FTCDNL1: variants seen among roughly 807,000 people sequenced by gnomAD.
FTCDNL1 encodes formiminotransferase cyclodeaminase N-terminal like.
Under a neutral mutation model 5.9 loss-of-function variants are expected in FTCDNL1, and 11 were observed. The ratio of observed to expected loss-of-function variants is 1.87; its 90% CI spans 1.18 to 3.10. The LOEUF is 3.10. Among genes scored for constraint, FTCDNL1 ranks in the 30% most tolerant of loss-of-function variants. The pLI, the probability that FTCDNL1 is intolerant of heterozygous loss-of-function variation, is 0.00. For synonymous variants in FTCDNL1, 58 were observed against 24.8 expected (o/e 2.34, Z -3.99); for missense variants, 115 against 65.5 (o/e 1.76, Z -2.61).
chr2:199,823,988 A>C (rs962554431), intron 3 of FTCDNL1, among the ~76,000 whole-genome samples: 1 of 151,934 alleles, frequency 6.6e-6, no homozygotes, highest in African/African-American at 2.4e-5. Context: ...CTTTTCTTTA[A>C]ATTTTTTGTA....
At chr2:199,771,737 T>C (rs1698820703) in intron 3 of FTCDNL1, among the ~76,000 whole-genome samples, 1 of 152,260 alleles carries the variant, frequency 6.6e-6, no homozygotes, top group African/African-American at 2.4e-5. Flanking sequence ...AGCAATGTTA[T>C]GATTTTCTTG....
chr2:199,773,226 G>C (rs1032033077), intron 3 of FTCDNL1, among the ~76,000 whole-genome samples: 1 of 152,050 alleles, frequency 6.6e-6, no homozygotes, highest in African/African-American at 2.4e-5. Flanking sequence ...CAATGTGGAG[G>C]GTTTCACTAG....
At chr2:199,731,232 C>T in the FTCDNL1 span, among the ~76,000 whole-genome samples, 2 of 152,096 alleles carry the variant, frequency 1.3e-5, no homozygotes, top group African/African-American at 2.4e-5. Context: ...ATGGGACAAA[C>T]ACCTAACACA....
the FTCDNL1 span, among the ~76,000 whole-genome samples, chr2:199,671,154 A>T: frequency 2.6e-5 from 3 of 113,706 alleles, no homozygotes; most frequent in East Asian, 1.0e-3. Flanking sequence ...TAATATCTGT[A>T]TTAAATCCAT....
chr2:199,735,809 C>A, the FTCDNL1 span, among the ~76,000 whole-genome samples: 1 of 152,136 alleles, frequency 6.6e-6, no homozygotes, highest in South Asian at 2.1e-4. Context: ...CAGCATGACA[C>A]CAGGCAACAA....
At chr2:199,669,276 C>G in the FTCDNL1 span, among the ~76,000 whole-genome samples, 3 of 152,018 alleles carry the variant, frequency 2.0e-5, no homozygotes, top group East Asian at 1.9e-4. Flanking sequence ...TTAGATAGGT[C>G]TTCAGCTGAA....
the FTCDNL1 span, among the ~76,000 whole-genome samples, chr2:199,727,759 C>A: frequency 6.6e-6 from 1 of 151,888 alleles, no homozygotes; most frequent in Non-Finnish European, 1.5e-5. Context: ...CAGAATTTGG[C>A]CTCAATTAAA....
the FTCDNL1 span, among the ~76,000 whole-genome samples, chr2:199,750,226 A>C: frequency 3.3e-5 from 5 of 151,568 alleles, no homozygotes; most frequent in Non-Finnish European, 5.9e-5. Flanking sequence ...GCTTGGTGGT[A>C]TGTGCCTTGT....
the FTCDNL1 span, among the ~76,000 whole-genome samples, chr2:199,682,073 A>C: frequency 6.6e-6 from 1 of 152,188 alleles, no homozygotes; most frequent in African/African-American, 2.4e-5. Flanking sequence ...TTGCTGGGCC[A>C]CATTACCCAG....
chr2:199,827,452 T>C (rs1337230282), intron 3 of FTCDNL1, among the ~76,000 whole-genome samples: 1 of 152,142 alleles, frequency 6.6e-6, no homozygotes, highest in Non-Finnish European at 1.5e-5. Flanking sequence ...TTTGCCTGGA[T>C]TATACACTGG....
the FTCDNL1 span, among the ~76,000 whole-genome samples, chr2:199,721,910 T>A: frequency 6.6e-6 from 1 of 152,238 alleles, no homozygotes; most frequent in Non-Finnish European, 1.5e-5. Flanking sequence ...GTTCGTTGGC[T>A]GCATAGATGT....
the FTCDNL1 span, among the ~76,000 whole-genome samples, chr2:199,746,684 G>T: frequency 1.3e-5 from 2 of 151,588 alleles, no homozygotes; most frequent in African/African-American, 4.9e-5. Context: ...ACTAGCAAGA[G>T]GCCCTGAACC....
At chr2:199,846,968 C>T (rs2106634656) in intron 2 of FTCDNL1, among the ~76,000 whole-genome samples, 1 of 152,268 alleles carries the variant, frequency 6.6e-6, no homozygotes, top group African/African-American at 2.4e-5. Context: ...TCCTTGTCCC[C>T]TGGCAGCTTA....
chr2:199,705,549 A>G, the FTCDNL1 span, among the ~76,000 whole-genome samples: 3 of 152,178 alleles, frequency 2.0e-5, no homozygotes, highest in Non-Finnish European at 2.9e-5. Flanking sequence ...CTGTAAATAA[A>G]TTATATTTTG....
the FTCDNL1 span, among the ~76,000 whole-genome samples, chr2:199,697,424 T>G: frequency 6.6e-6 from 1 of 152,000 alleles, no homozygotes; most frequent in Admixed American, 6.6e-5. Context: ...AGGCTAATAG[T>G]GAACCTTTAG....
At chr2:199,694,469 A>C in the FTCDNL1 span, among the ~76,000 whole-genome samples, 1 of 152,126 alleles carries the variant, frequency 6.6e-6, no homozygotes, top group Admixed American at 6.5e-5. Flanking sequence ...TCCTGCTTCT[A>C]ATCTTAGGTA....
chr2:199,836,526 G>C (rs1252097872), intron 3 of FTCDNL1, among the ~76,000 whole-genome samples: 1 of 152,056 alleles, frequency 6.6e-6, no homozygotes, highest in Non-Finnish European at 1.5e-5. Flanking sequence ...TGAGACAGGG[G>C]GCCAGCCATG....
chr2:199,819,589 T>C lies in FTCDNL1; in HGVS notation c.380A>G (p.Gln127Arg), dbSNP rs1253099816. The C allele has an allele frequency of 1.4e-6, 1 of 701,608 alleles. No individual in the cohort carries two copies. Among genetic ancestry groups the C allele is most frequent in the Admixed American group, 2.0e-5 (1 of 49,928 alleles). The allele number at this position is 701,608 out of a possible 1,614,324, so 43.5% of individuals were successfully genotyped here. ...LQPDLGAAPS[Q>R]RCGLTACFRA... ...CTCAGAACCTGTTAAACCACATCTTTGGGAAGGGGCAGCTCCCAGGTCAGG... is the reference window on the plus strand; with the variant it reads ...CTCAGAACCTGTTAAACCACATCTTCGGGAAGGGGCAGCTCCCAGGTCAGG... Residue 127 changes from glutamine (Q) to arginine (R), a missense_variant, in exon 4 of 5, where the codon CAA (glutamine) becomes CGA (arginine). Transcript: ENST00000420128.
At chr2:199,727,436 G>T in the FTCDNL1 span, among the ~76,000 whole-genome samples, 17,938 of 152,218 alleles carry the variant, frequency 0.12, 1,329 homozygotes, top group Middle Eastern at 0.3. Flanking sequence ...TGATCCATGG[G>T]TTGCACAGAT....
Sources: allele counts gnomAD v4.1 joint callset (sites outside exome capture counted in the v4.1 genomes callset), GRCh38; gene constraint gnomAD v4.1.1; transcripts MANE v1.5; gene names NCBI Gene and HGNC (gene_info 2026-07-23, HGNC 2026-07-21).